TNS3: variants seen among roughly 807,000 people sequenced by gnomAD.
TNS3 encodes tensin 3.
TNS3 carries 45 observed loss-of-function variants against 140.9 expected under a neutral mutation model. That is an observed-to-expected ratio of 0.32 (90% confidence interval 0.25 to 0.41). The LOEUF (loss-of-function observed/expected upper bound fraction) is 0.41. Ranked by LOEUF, TNS3 falls within the 10% of genes least tolerant of loss-of-function variation. The probability of loss-of-function intolerance (pLI) is 1.00; values close to 1 mark genes in which losing one functional copy is unlikely to be tolerated. For missense variants in TNS3, 1,716 were observed against 1,906.7 expected, an observed-to-expected ratio of 0.90 and a Z score of 1.86; for synonymous variants, 815 against 788.4, an observed-to-expected ratio of 1.03 and a Z score of -0.56.
intron 2 of TNS3, among the ~76,000 whole-genome samples, chr7:47,519,892 C>T (rs568730170): frequency 1.5e-5 from 2 of 130,982 alleles, no homozygotes; most frequent in South Asian, 2.6e-4. Context: ...GGCACAATCT[C>T]GGCTCACTGC....
chr7:47,395,100 C>A (rs1413365458), intron 16 of TNS3, among the ~76,000 whole-genome samples: 1 of 152,214 alleles, frequency 6.6e-6, no homozygotes, highest in Admixed American at 6.5e-5. Flanking sequence ...CCTCCAGGCT[C>A]GCCCCTCCCT....
chr7:47,325,249 A>C (rs896267514), intron 20 of TNS3, among the ~76,000 whole-genome samples: 1 of 152,326 alleles, frequency 6.6e-6, no homozygotes, highest in Non-Finnish European at 1.5e-5. Context: ...TTGGTCACTC[A>C]AGAAAGCCAG....
At chr7:47,439,703 G>C in intron 5 of TNS3, 45 bp from the exon 6 acceptor site, 1 of 1,594,910 alleles carries the variant, frequency 6.3e-7, no homozygotes, top group Non-Finnish European at 8.6e-7. Context: ...TAAGGAGGCA[G>C]CAGACATTCA....
At chr7:47,486,430 GCA>G (rs1466427152) in intron 3 of TNS3, among the ~76,000 whole-genome samples, 1 of 152,108 alleles carries the variant, frequency 6.6e-6, no homozygotes, top group Non-Finnish European at 1.5e-5. Context: ...TTGTGTGTGT[GCA>G]CACACAACAA....
At chr7:47,486,210 T>C (rs916246996) in intron 3 of TNS3, among the ~76,000 whole-genome samples, 5 of 151,994 alleles carry the variant, frequency 3.3e-5, no homozygotes, top group African/African-American at 1.2e-4. Context: ...GGTGAGTCAG[T>C]AGTTATGTGC....
Position 47,276,611 on chromosome 7 carries a change from C to A in TNS3, c.*1465G>T, listed in dbSNP as rs1350356402. 1 of 152,238 alleles carries A rather than the reference C, an allele frequency of 6.6e-6. No homozygotes were observed. The highest frequency in any genetic ancestry group is 1.5e-5 in the Non-Finnish European group (1 of 68,094). 9.4% of individuals were successfully genotyped at this position (152,238 alleles called of 1,614,324 possible). On this transcript the variant is annotated 3_prime_UTR_variant, in exon 31 of 31. Coordinates refer to ENST00000311160, the MANE Select transcript of TNS3 (RefSeq NM_022748.12). Reference sequence around the variant, plus strand: ...GCCAAGGCCTTATTCTGATGTGGCCCAGCTCCATCTTTCACTCTGGGGATG... The same window carrying A: ...GCCAAGGCCTTATTCTGATGTGGCCAAGCTCCATCTTTCACTCTGGGGATG...
chr7:47,394,317 G>A (rs1792701548), intron 16 of TNS3, among the ~76,000 whole-genome samples: 1 of 152,204 alleles, frequency 6.6e-6, no homozygotes, highest in Non-Finnish European at 1.5e-5. Flanking sequence ...TGGGATTGAT[G>A]CCCTCAGAAA....
chr7:47,455,715 G>A (rs548953835), intron 4 of TNS3, among the ~76,000 whole-genome samples: 5 of 152,324 alleles, frequency 3.3e-5, no homozygotes, highest in East Asian at 1.9e-4. Flanking sequence ...CAGAGGTGGC[G>A]GCGATGGGCA....
intron 20 of TNS3, among the ~76,000 whole-genome samples, chr7:47,307,866 T>C (rs1273455422): frequency 3.3e-5 from 5 of 152,226 alleles, no homozygotes; most frequent in Non-Finnish European, 7.3e-5. Context: ...ATCATATATA[T>C]GATTTGCAAA....
In TNS3 at chr7:47,397,423, A is replaced by C. The variant is rs530107977; in HGVS notation, c.920-519T>G. Among the ~76,000 whole-genome samples the C allele has an allele frequency of 1.0e-3, 158 of 152,270 alleles. 2 individuals carry two copies. Among genetic ancestry groups the C allele is most frequent in the African/African-American group, 3.7e-3 (153 of 41,546 alleles). On this transcript the variant is annotated intron_variant, in intron 15 of 30. Coordinates refer to ENST00000311160, the MANE Select transcript of TNS3 (RefSeq NM_022748.12). ...CACAGCTATTAAAAAGGGAAACAAA[A>C]CTCCCATGCATGTGGATCTTGGTGA... is the stretch of plus-strand genomic sequence containing the variant.
At chr7:47,362,265 A>G (rs1255694517) in intron 17 of TNS3, among the ~76,000 whole-genome samples, 1 of 152,092 alleles carries the variant, frequency 6.6e-6, no homozygotes, top group Non-Finnish European at 1.5e-5. Context: ...GAAGGATACA[A>G]AACTGTGCTC....
intron 3 of TNS3, among the ~76,000 whole-genome samples, chr7:47,489,839 T>G (rs1182223843): frequency 6.6e-6 from 1 of 152,186 alleles, no homozygotes; most frequent in Non-Finnish European, 1.5e-5. Context: ...CCAAACGCCT[T>G]CCTGCAGTGA....
intron 2 of TNS3, among the ~76,000 whole-genome samples, chr7:47,527,008 G>A (rs1399401766): frequency 1.3e-5 from 2 of 151,974 alleles, no homozygotes; most frequent in African/African-American, 2.4e-5. Flanking sequence ...CGAGGCAGGC[G>A]GATCACAAGT....
intron 3 of TNS3, chr7:47,481,561 C>T: frequency 1.4e-5 from 10 of 718,068 alleles, no homozygotes; most frequent in Non-Finnish European, 1.7e-5. Flanking sequence ...CCCATCCTCA[C>T]CCAGGGGCAT....
intron 16 of TNS3, among the ~76,000 whole-genome samples, chr7:47,393,113 T>C (rs749135445): frequency 1.4e-4 from 22 of 152,176 alleles, no homozygotes; most frequent in Non-Finnish European, 1.5e-5. Flanking sequence ...TATAAAACAA[T>C]GCACAGGCTG....
chr7:47,448,747 G>A (rs963211782), intron 4 of TNS3, among the ~76,000 whole-genome samples: 1 of 152,162 alleles, frequency 6.6e-6, no homozygotes, highest in Non-Finnish European at 1.5e-5. Flanking sequence ...CCAATGCTGG[G>A]ATTGCAGGCG....
intron 16 of TNS3, among the ~76,000 whole-genome samples, chr7:47,381,204 T>G (rs1460903249): frequency 6.6e-6 from 1 of 152,212 alleles, no homozygotes; most frequent in Non-Finnish European, 1.5e-5. Flanking sequence ...AGTTTCAGCC[T>G]CCTTTTGCTT....
At chr7:47,377,710 C>CCCCCCTCCCTTTCCTCCTCCTTCT (rs1791483154) in intron 16 of TNS3, among the ~76,000 whole-genome samples, 1 of 113,864 alleles carries the variant, frequency 8.8e-6, no homozygotes, top group Non-Finnish European at 1.9e-5. Flanking sequence ...CTCTTTTTCC[C>CCCCCCTCCCTTTCCTCCTCCTTCT]CCTCCTCCCT....
chr7:47,436,952 T>C (rs1365922537), intron 7 of TNS3, among the ~76,000 whole-genome samples: 1 of 152,148 alleles, frequency 6.6e-6, no homozygotes, highest in Non-Finnish European at 1.5e-5. Context: ...CAGGGAAATG[T>C]GAGTGAGGTC....
Sources: gnomAD v4.1 joint callset for allele counts (sites outside exome capture counted in the v4.1 genomes callset) on GRCh38, gnomAD v4.1.1 for gene constraint, MANE v1.5 for transcripts, NCBI Gene and HGNC (gene_info 2026-07-23, HGNC 2026-07-21) for gene names.